Variants in RPS6KC1 observed in about 807,000 individuals in gnomAD.
RPS6KC1 encodes inactive ribosomal protein S6 kinase delta-1.
A neutral mutation model predicts 103.8 loss-of-function variants in RPS6KC1; 54 were observed. The ratio of observed to expected loss-of-function variants is 0.52; its 90% CI spans 0.42 to 0.65. The LOEUF is 0.65. Ranked by LOEUF, RPS6KC1 falls within the 30% of genes least tolerant of loss-of-function variation. The pLI is 0.00. For missense variants in RPS6KC1, 1,151 were observed against 1,253.8 expected, an observed-to-expected ratio of 0.92 and a Z score of 1.24; for synonymous variants, 439 against 438.7, an observed-to-expected ratio of 1.00 and a Z score of -0.01.
chr1:213,706,029 C>T, the RPS6KC1 span, among the ~76,000 whole-genome samples: 1 of 152,176 alleles, frequency 6.6e-6, no homozygotes, highest in Non-Finnish European at 1.5e-5. Flanking sequence ...CTTTTGGAGT[C>T]ATGAGCTGTG....
At chr1:213,665,225 C>CAA in the RPS6KC1 span, among the ~76,000 whole-genome samples, 2 of 137,364 alleles carry the variant, frequency 1.5e-5, no homozygotes, top group African/African-American at 2.7e-5. Context: ...AACAACAACA[C>CAA]ATTTTTCGAT....
At chr1:213,055,158 T>A (rs2077232576) in intron 1 of RPS6KC1, among the ~76,000 whole-genome samples, 1 of 152,224 alleles carries the variant, frequency 6.6e-6, no homozygotes, top group Non-Finnish European at 1.5e-5. Context: ...TGTATACAGT[T>A]GTGTAACTAC....
At chr1:213,553,885 T>C in the RPS6KC1 span, among the ~76,000 whole-genome samples, 1 of 152,288 alleles carries the variant, frequency 6.6e-6, no homozygotes, top group South Asian at 2.1e-4. Context: ...GTTGTTCGTT[T>C]TTTGCTTGTT....
the RPS6KC1 span, among the ~76,000 whole-genome samples, chr1:213,555,097 C>T: frequency 6.6e-6 from 1 of 152,156 alleles, no homozygotes. Flanking sequence ...CACACCTATT[C>T]GTAGAAGAAA....
chr1:213,404,719 G>A, the RPS6KC1 span, among the ~76,000 whole-genome samples: 2 of 152,228 alleles, frequency 1.3e-5, no homozygotes, highest in Non-Finnish European at 2.9e-5. Context: ...TAAAGGTAAA[G>A]CCACATTTCC....
the RPS6KC1 span, among the ~76,000 whole-genome samples, chr1:213,668,358 T>C: frequency 6.6e-6 from 1 of 152,032 alleles, no homozygotes; most frequent in Non-Finnish European, 1.5e-5. Context: ...CAAGGTGCAT[T>C]GTCAATGAGC....
the RPS6KC1 span, among the ~76,000 whole-genome samples, chr1:213,439,445 A>G: frequency 6.6e-6 from 1 of 152,076 alleles, no homozygotes; most frequent in Non-Finnish European, 1.5e-5. Context: ...AGAAGTATTT[A>G]TTGGTGTGAG....
chr1:213,542,238 T>C, the RPS6KC1 span, among the ~76,000 whole-genome samples: 1 of 152,206 alleles, frequency 6.6e-6, no homozygotes, highest in Non-Finnish European at 1.5e-5. Flanking sequence ...AAATCTTTCT[T>C]ACCACAGTGT....
chr1:213,421,721 T>C, the RPS6KC1 span, among the ~76,000 whole-genome samples: 2 of 152,194 alleles, frequency 1.3e-5, no homozygotes. Context: ...CCTGGTGTGG[T>C]ACCTGCTACG....
At chr1:213,247,649 G>A (rs2094474100) in intron 12 of RPS6KC1, among the ~76,000 whole-genome samples, 1 of 152,116 alleles carries the variant, frequency 6.6e-6, no homozygotes, top group African/African-American at 2.4e-5. Flanking sequence ...TTAACTGATT[G>A]CTTGACCTCG....
chr1:213,381,471 A>AG, the RPS6KC1 span, among the ~76,000 whole-genome samples: 1 of 151,486 alleles, frequency 6.6e-6, no homozygotes. Flanking sequence ...GAATGAGAGG[A>AG]GGGGGGCAGG....
chr1:213,846,364 A>T, the RPS6KC1 span, among the ~76,000 whole-genome samples: 1 of 151,826 alleles, frequency 6.6e-6, no homozygotes, highest in Non-Finnish European at 1.5e-5. Context: ...GTTCTGCTGA[A>T]CTCCATACCC....
At chr1:213,131,150 A>G (rs1282765571) in intron 6 of RPS6KC1, among the ~76,000 whole-genome samples, 1 of 152,156 alleles carries the variant, frequency 6.6e-6, no homozygotes. Context: ...TGAGGATCAA[A>G]CAGCGATTAA....
the RPS6KC1 span, among the ~76,000 whole-genome samples, chr1:213,824,062 C>A: frequency 3.3e-5 from 5 of 152,142 alleles, no homozygotes; most frequent in Non-Finnish European, 7.3e-5. Context: ...TACTGTCCCC[C>A]CTGTCCAGAT....
chr1:213,271,763 C>CAAAAAAA (rs58938920), intron 14 of RPS6KC1, among the ~76,000 whole-genome samples: 1 of 114,798 alleles, frequency 8.7e-6, no homozygotes, highest in Admixed American at 9.8e-5. Context: ...AACTCCGTCT[C>CAAAAAAA]AAAAAAAAAA....
chr1:213,654,898 T>C, the RPS6KC1 span, among the ~76,000 whole-genome samples: 5 of 152,134 alleles, frequency 3.3e-5, no homozygotes, highest in African/African-American at 1.2e-4. Context: ...TCAAGAGATG[T>C]TTTTCACCCA....
chr1:213,191,227 T>A (rs1339226588), intron 8 of RPS6KC1, among the ~76,000 whole-genome samples: 1 of 152,184 alleles, frequency 6.6e-6, no homozygotes, highest in Non-Finnish European at 1.5e-5. Context: ...ATCTGTAGAT[T>A]CCTTTAGTGT....
At chr1:213,262,907 G>A (rs2094832089) in intron 14 of RPS6KC1, 91 bp downstream of exon 14, 1 of 812,222 alleles carries the variant, frequency 1.2e-6, no homozygotes, top group Non-Finnish European at 2.2e-6. Flanking sequence ...TTAGTTTGGA[G>A]CAAGAAAAAC....
chr1:213,235,881 G>A (rs2094209862), intron 10 of RPS6KC1, among the ~76,000 whole-genome samples: 1 of 152,188 alleles, frequency 6.6e-6, no homozygotes, highest in Non-Finnish European at 1.5e-5. Context: ...GGAAAAGCAG[G>A]GAGACCAATT....
Sources: allele counts gnomAD v4.1 joint callset (sites outside exome capture counted in the v4.1 genomes callset), GRCh38; gene constraint gnomAD v4.1.1; transcripts MANE v1.5; gene names NCBI Gene and HGNC (gene_info 2026-07-23, HGNC 2026-07-21).